The following VWF variants were observed in gnomAD, a reference collection of about 807,000 sequenced individuals.
The protein encoded by VWF is von Willebrand factor.
Under a neutral mutation model 308.6 loss-of-function variants are expected in VWF, and 176 were observed. The observed-to-expected ratio is 0.57, with a 90% CI of 0.50 to 0.65. The LOEUF is 0.65. Among genes scored for constraint, VWF ranks in the 30% least tolerant of loss-of-function variants. The pLI is 0.00. For missense variants in VWF, 3,146 were observed against 3,648.2 expected, an observed-to-expected ratio of 0.86 and a Z score of 3.55; for synonymous variants, 1,385 against 1,443.4, an observed-to-expected ratio of 0.96 and a Z score of 0.92.
chr12:5,984,913 C>T (rs767131965), intron 40 of VWF, 132 bp downstream of exon 40: 61 of 919,840 alleles, frequency 6.6e-5, no homozygotes, highest in Non-Finnish European at 9.6e-5. Context: ...TTTGGAGTAT[C>T]CAGTCGGTCC....
Position 5,983,154 on chromosome 12 carries a change from G to A in VWF, c.7077C>T (p.Thr2359=). ...CCTCATCCACAGAGGCCTTACCGCA[G>A]GTGAAGTTGGGTCTGCACTCGCCAG... ...TNPGECRPNF[T]CACRKEECKR... is the part of the protein sequence containing the mutation. Residue 2359 remains threonine, a synonymous_variant, in exon 41 of 52, where the codon ACC becomes ACT. Transcript: ENST00000261405. The A allele has an allele frequency of 6.2e-7, 1 of 1,613,684 alleles. No individual in the cohort carries two copies. The highest frequency in any genetic ancestry group is 1.1e-5 in the South Asian group (1 of 90,886).
intron 15 of VWF, among the ~76,000 whole-genome samples, chr12:6,053,891 G>C (rs1249995409): frequency 6.6e-6 from 1 of 152,248 alleles, no homozygotes; most frequent in African/African-American, 2.4e-5. Flanking sequence ...TCCAGAGAAA[G>C]GCCTAGGCCT....
rs982803482 is a variant in VWF at position 5,981,890 on chromosome 12, C to T, written c.7183G>A (p.Ala2395Thr). 18 of 1,606,544 alleles carry T rather than the reference C, an allele frequency of 1.1e-5. 1 individual carries two copies. The highest frequency in any genetic ancestry group is 1.5e-5 in the Non-Finnish European group (18 of 1,175,652). Residue 2395 changes from alanine (A) to threonine (T), a missense_variant, in exon 42 of 52, where the codon GCC (alanine) becomes ACC (threonine). Physicochemically the swap from Ala to Thr is moderately conservative, Grantham distance 58. Transcript: ENST00000261405. ...KTQCCDEYEC[A>T]CNCVNSTVSC... The stretch of plus-strand genomic sequence containing the variant: ...ACTGTGGAGTTGACACAGTTGCAGG[C>T]ACACTCATACTCATCACAGCACTGG...
At position 6,112,852 on chromosome 12, in the gene VWF, A is replaced by ACACACC. The variant is rs1488406586; in HGVS notation, c.221-1885_221-1884insGGTGTG. On this transcript the variant is annotated intron_variant, in intron 3 of 51. Coordinates refer to ENST00000261405, the MANE Select transcript of VWF (RefSeq NM_000552.5). ...GACACACACACACACACACACACAC[A>ACACACC]CCACACGCACACACACCATGCACAC... Among the ~76,000 whole-genome samples the ACACACC allele has an allele frequency of 1.4e-3, 210 of 147,312 alleles. 2 individuals are homozygous for ACACACC. The highest frequency in any genetic ancestry group is 5.2e-3 in the African/African-American group (200 of 38,666).
chr12:6,104,800 T>G (rs958789261), intron 5 of VWF, among the ~76,000 whole-genome samples: 2 of 152,150 alleles, frequency 1.3e-5, no homozygotes, highest in Admixed American at 1.3e-4. Flanking sequence ...ATACCTGCAC[T>G]AGTATATTTA....
Position 6,018,403 on chromosome 12 carries a change from C to T in VWF, c.5015G>A (p.Gly1672Glu). The change falls in exon 28 of 52, where the codon GGA (glycine) becomes GAA (glutamate). Residue 1672 changes from glycine (G) to glutamate (E), a missense_variant. This residue lies in a region of VWF where 853 missense variants were observed against 1,177.8 expected (regional missense o/e 0.72). Transcript: ENST00000261405. ...GAGGGTGGGGATCTGCAGCCCCTCT[C>T]CGGAGCAGCACCTCTGCAGCACCAG... ...PDLVLQRCCS[G>E]EGLQIPTLSP... 1 of 1,612,526 alleles carries T rather than the reference C, an allele frequency of 6.2e-7. No homozygotes were observed. Among genetic ancestry groups the T allele is most frequent in the East Asian group, 2.2e-5 (1 of 44,834 alleles).
Position 6,056,928 on chromosome 12 carries a change from G to A in VWF, c.1874C>T (p.Ala625Val). 1 of 1,534,600 alleles carries A rather than the reference G, an allele frequency of 6.5e-7. No individual in the cohort carries two copies. The highest frequency in any genetic ancestry group is 8.7e-7 in the Non-Finnish European group (1 of 1,146,006). The part of the protein sequence containing the change: ...CSDGRECLCG[A>V]LASYAAACAG... Reference sequence around the variant, plus strand: ...GCAGGCCGCGGCATAGCTGGCCAGGGCGCCGCACAGGCACTCGCGGCCGTC... The same window carrying A: ...GCAGGCCGCGGCATAGCTGGCCAGGACGCCGCACAGGCACTCGCGGCCGTC... Residue 625 changes from alanine to valine, a missense_variant, in exon 15 of 52, where the codon GCC becomes GTC. By Grantham distance (64) the Ala-to-Val change is moderately conservative. Transcript: ENST00000261405.
chr12:6,012,605 C>G (rs1285873436), intron 32 of VWF, among the ~76,000 whole-genome samples: 1 of 151,660 alleles, frequency 6.6e-6, no homozygotes, highest in African/African-American at 2.4e-5. Flanking sequence ...CCCCGAAGGA[C>G]AGTAGCTTTA....
chr12:5,966,761 A>G (rs774677057), intron 47 of VWF, among the ~76,000 whole-genome samples: 36 of 152,156 alleles, frequency 2.4e-4, no homozygotes, highest in Non-Finnish European at 4.7e-4. Context: ...TCCTCTGACC[A>G]ATGGCATTTT....
In VWF at chr12:6,016,537, C is replaced by T. The variant is rs1339348614; in HGVS notation, c.5290G>A (p.Glu1764Lys). 6.2e-7 allele frequency: 1 copy of T among 1,614,146 alleles called. No homozygotes were observed. Among genetic ancestry groups the T allele is most frequent in the Admixed American group, 1.7e-5 (1 of 60,030 alleles). ...LLSLVDVMQR[E>K]GGPSQIGDAL... Reference sequence around the variant, plus strand: ...TTACCGATTTGGCTGGGGCCTCCCTCCCGCTGCATGACGTCCACAAGGCTC... The same window carrying T: ...TTACCGATTTGGCTGGGGCCTCCCTTCCGCTGCATGACGTCCACAAGGCTC... The change falls in exon 30 of 52, where the codon GAG becomes AAG. Residue 1764 changes from glutamate (E) to lysine (K), a missense_variant. Transcript: ENST00000261405.
At chr12:5,988,354 GA>G (rs1310931765) in intron 38 of VWF, among the ~76,000 whole-genome samples, 1 of 152,196 alleles carries the variant, frequency 6.6e-6, no homozygotes, top group Non-Finnish European at 1.5e-5. Flanking sequence ...CTCCAGCTGG[GA>G]AGGTGGAGGG....
intron 25 of VWF, among the ~76,000 whole-genome samples, 190 bp downstream of exon 25, chr12:6,023,440 AC>A (rs1944152747): frequency 1.7e-4 from 26 of 152,272 alleles, no homozygotes; most frequent in Admixed American, 1.6e-3. Flanking sequence ...TCCATGTCCC[AC>A]CTCACCCGTA....
chr12:5,964,254 A>ACATACATACATACATGCATACATG (rs1555189800), intron 47 of VWF, among the ~76,000 whole-genome samples: 1 of 129,918 alleles, frequency 7.7e-6, no homozygotes, highest in African/African-American at 3.1e-5. Context: ...ATACATGCAT[A>ACATACATACATACATGCATACATG]CATACATACA....
intron 38 of VWF, 63 bp from the exon 39 acceptor site, chr12:5,985,728 C>T: frequency 6.7e-7 from 1 of 1,496,630 alleles, no homozygotes; most frequent in East Asian, 2.3e-5. Context: ...CCAGAATTCA[C>T]AGAGGTCAGC....
chr12:6,101,787 A>G (rs1219208243), intron 5 of VWF, among the ~76,000 whole-genome samples: 1 of 152,262 alleles, frequency 6.6e-6, no homozygotes, highest in Admixed American at 6.5e-5. Context: ...AAAGAAAAAA[A>G]TAATAATAAT....
chr12:6,039,354 T>C (rs187355178), intron 18 of VWF, among the ~76,000 whole-genome samples: 3 of 152,326 alleles, frequency 2.0e-5, no homozygotes, highest in Admixed American at 2.0e-4. Flanking sequence ...GTTACCTTTC[T>C]CTGAAAAGGC....
intron 10 of VWF, among the ~76,000 whole-genome samples, chr12:6,068,802 TTTTTC>T (rs1944748607): frequency 6.6e-6 from 1 of 150,438 alleles, no homozygotes; most frequent in African/African-American, 2.5e-5. Flanking sequence ...GATGCATTTT[TTTTTC>T]TTTTTCTTCC....
intron 6 of VWF, among the ~76,000 whole-genome samples, chr12:6,092,673 G>GTGTGTGTGTGTGT (rs1356836169): frequency 8.1e-6 from 1 of 123,724 alleles, no homozygotes; most frequent in Non-Finnish European, 1.6e-5. Context: ...GTGTGTGTGT[G>GTGTGTGTGTGTGT]CTGACCAGCA....
At chr12:6,040,901 G>A (rs1054468176) in intron 18 of VWF, among the ~76,000 whole-genome samples, 3 of 152,280 alleles carry the variant, frequency 2.0e-5, no homozygotes, top group East Asian at 3.9e-4. Flanking sequence ...CTGGGCATAC[G>A]GTGGACACTG....
Sources: gnomAD v4.1 joint callset for allele counts (sites outside exome capture counted in the v4.1 genomes callset) on GRCh38, gnomAD v4.1.1 for gene constraint, gnomAD v4.1.1 regional missense constraint, MANE v1.5 for transcripts, NCBI Gene and HGNC (gene_info 2026-07-23, HGNC 2026-07-21) for gene names.